Variants in RAP1GDS1 observed in about 807,000 individuals in gnomAD.
The protein encoded by RAP1GDS1 is Rap1 GTPase-GDP dissociation stimulator 1.
A neutral mutation model predicts 71.1 loss-of-function variants in RAP1GDS1; 35 were observed. The ratio of observed to expected loss-of-function variants is 0.49; its 90% CI spans 0.38 to 0.65. The LOEUF is 0.65. Among genes scored for constraint, RAP1GDS1 ranks in the 30% least tolerant of loss-of-function variants. The probability of loss-of-function intolerance (pLI) is 0.00; values close to 1 mark genes in which losing one functional copy is unlikely to be tolerated. For missense variants in RAP1GDS1, 663 were observed against 706.1 expected (o/e 0.94, Z 0.69); for synonymous variants, 229 against 243.1 (o/e 0.94, Z 0.54).
At chr4:98,390,535 A>C (rs1157163030) in intron 5 of RAP1GDS1, among the ~76,000 whole-genome samples, 1 of 152,094 alleles carries the variant, frequency 6.6e-6, no homozygotes, top group African/African-American at 2.4e-5. Context: ...ACCAAACCAG[A>C]TAATTATCTG....
At chr4:98,297,103 T>C (rs1299899921) in intron 2 of RAP1GDS1, 1 of 166,478 alleles carries the variant, frequency 6.0e-6, no homozygotes, top group East Asian at 1.8e-4. Flanking sequence ...GTTTATTTTT[T>C]ATAGAACAAC....
rs1721949219 is a variant in RAP1GDS1 at position 98,261,461 on chromosome 4, C to G, written c.-105C>G. The G allele has an allele frequency of 7.9e-7, 1 of 1,269,288 alleles. No homozygotes were observed. The highest frequency in any genetic ancestry group is 1.5e-5 in the African/African-American group (1 of 64,796). 78.6% of individuals were successfully genotyped at this position (1,269,288 alleles called of 1,614,324 possible). On this transcript the variant is annotated 5_prime_UTR_variant, in exon 1 of 15. Coordinates refer to ENST00000408927, the MANE Select transcript of RAP1GDS1 (RefSeq NM_001100427.2). ...CGGCGGCCGCCCCCCGCGGGTCCCT[C>G]CCTGGCTGCGGGAGAGACGGAGGTA...
At chr4:98,321,307 A>C (rs1402772207) in intron 2 of RAP1GDS1, among the ~76,000 whole-genome samples, 2 of 149,712 alleles carry the variant, frequency 1.3e-5, no homozygotes, top group African/African-American at 4.9e-5. Context: ...GGTGTACCTG[A>C]AAGTGAGGCG....
chr4:98,421,520 T>C, intron 12 of RAP1GDS1, 126 bp downstream of exon 12: 1 of 1,045,692 alleles, frequency 9.6e-7, no homozygotes. Flanking sequence ...AGTGAGATCA[T>C]GTATATAATG....
intron 12 of RAP1GDS1, among the ~76,000 whole-genome samples, chr4:98,428,458 A>G (rs1561006298): frequency 6.6e-6 from 1 of 152,224 alleles, no homozygotes; most frequent in Non-Finnish European, 1.5e-5. Flanking sequence ...TACATCTGAC[A>G]GAGGACTAAT....
At chr4:98,414,443 G>C (rs1203855243) in intron 7 of RAP1GDS1, among the ~76,000 whole-genome samples, 1 of 144,016 alleles carries the variant, frequency 6.9e-6, no homozygotes, top group East Asian at 2.0e-4. Context: ...TGGCTAGCCA[G>C]TTTTCCCAGC....
intron 2 of RAP1GDS1, among the ~76,000 whole-genome samples, chr4:98,329,352 A>G (rs1733600482): frequency 6.6e-6 from 1 of 152,204 alleles, no homozygotes; most frequent in African/African-American, 2.4e-5. Context: ...AGTCATGGAA[A>G]CATTATCTTT....
intron 1 of RAP1GDS1, among the ~76,000 whole-genome samples, chr4:98,284,636 G>T (rs1307026704): frequency 6.6e-6 from 1 of 151,976 alleles, no homozygotes; most frequent in Non-Finnish European, 1.5e-5. Flanking sequence ...TATTGAATCT[G>T]AGCACACTTA....
chr4:98,275,259 T>G (rs974790037), intron 1 of RAP1GDS1, among the ~76,000 whole-genome samples: 12 of 152,200 alleles, frequency 7.9e-5, no homozygotes, highest in Non-Finnish European at 1.8e-4. Context: ...CATGCTTCTC[T>G]TATTTTGACA....
chr4:98,350,544 A>C (rs989491141), intron 3 of RAP1GDS1, among the ~76,000 whole-genome samples: 2 of 152,256 alleles, frequency 1.3e-5, no homozygotes, highest in South Asian at 4.2e-4. Context: ...CTGTCTATAA[A>C]AAAATAAAAA....
intron 4 of RAP1GDS1, among the ~76,000 whole-genome samples, chr4:98,377,851 A>G (rs1741392928): frequency 6.6e-6 from 1 of 151,822 alleles, no homozygotes; most frequent in Non-Finnish European, 1.5e-5. Context: ...TGAATAGTAC[A>G]GTGTGGTAGC....
intron 6 of RAP1GDS1, among the ~76,000 whole-genome samples, chr4:98,404,229 T>C (rs1029090998): frequency 3.3e-5 from 5 of 152,196 alleles, no homozygotes; most frequent in Admixed American, 3.3e-4. Flanking sequence ...TATGACTTAG[T>C]AATTTTGTTG....
chr4:98,330,983 G>A (rs540408397), intron 2 of RAP1GDS1, among the ~76,000 whole-genome samples: 99 of 152,236 alleles, frequency 6.5e-4, no homozygotes, highest in African/African-American at 2.3e-3. Flanking sequence ...CCGAGATCAC[G>A]CCACTGCACT....
intron 9 of RAP1GDS1, 149 bp downstream of exon 9, chr4:98,417,647 C>A (rs1748215279): frequency 7.1e-6 from 5 of 702,684 alleles, no homozygotes; most frequent in Non-Finnish European, 1.1e-5. Flanking sequence ...ATCTGAAATA[C>A]TTAGTGACAT....
Position 98,356,006 on chromosome 4 carries a change from T to C in RAP1GDS1, c.361+3405T>C, listed in dbSNP as rs114966569. The stretch of plus-strand genomic sequence containing the variant: ...GCAAGGCACTTCATTTATGTATTTC[T>C]CTTTCGAAGTATCCGAACAGACTTC... On this transcript the variant is annotated intron_variant, in intron 4 of 14. Coordinates refer to ENST00000408927, the MANE Select transcript of RAP1GDS1 (RefSeq NM_001100427.2). 2.0e-3 allele frequency among the ~76,000 whole-genome samples: 311 copies of C among 152,302 alleles called. 1 individual carries two copies. The highest frequency in any genetic ancestry group is 6.8e-3 in the African/African-American group (282 of 41,576).
intron 2 of RAP1GDS1, among the ~76,000 whole-genome samples, chr4:98,299,782 G>A (rs968035308): frequency 5.9e-5 from 9 of 151,684 alleles, no homozygotes; most frequent in African/African-American, 1.2e-4. Flanking sequence ...CTACAGGCAC[G>A]CGCCACCATG....
At chr4:98,356,859 C>A (rs1738048854) in intron 4 of RAP1GDS1, among the ~76,000 whole-genome samples, 2 of 151,844 alleles carry the variant, frequency 1.3e-5, no homozygotes, top group Non-Finnish European at 2.9e-5. Flanking sequence ...TCATTGACAT[C>A]AAGTATAAAT....
rs1749209173 is a variant in RAP1GDS1, at chr4:98,423,702, G to A, written c.1440+2308G>A. On this transcript the variant is annotated intron_variant, in intron 12 of 14. Transcript: ENST00000408927. ...TAGGATCACAGGCGTGCACCACCAT[G>A]CCCGGCTAATTTTGTATTTTTAGTA... 2.0e-5 allele frequency among the ~76,000 whole-genome samples: 3 copies of A among 151,966 alleles called. 1 individual carries two copies. The South Asian group carries it at 6.2e-4, about 32-fold the overall frequency.
At chr4:98,292,898 A>G (rs1219754341) in intron 1 of RAP1GDS1, among the ~76,000 whole-genome samples, 1 of 152,188 alleles carries the variant, frequency 6.6e-6, no homozygotes, top group Admixed American at 6.6e-5. Context: ...GGCTTAAAGC[A>G]GTACTTTGAT....
Sources: gnomAD v4.1 joint callset for allele counts (sites outside exome capture counted in the v4.1 genomes callset) on GRCh38, gnomAD v4.1.1 for gene constraint, MANE v1.5 for transcripts, NCBI Gene and HGNC (gene_info 2026-07-23, HGNC 2026-07-21) for gene names.